Variants in PIK3C2G observed in about 807,000 individuals in gnomAD.
PIK3C2G encodes the protein phosphatidylinositol-4-phosphate 3-kinase catalytic subunit type 2 gamma, also known as phosphatidylinositol 3-kinase C2 domain-containing subunit gamma.
Under a neutral mutation model 181.1 loss-of-function variants are expected in PIK3C2G, and 168 were observed. The ratio of observed to expected loss-of-function variants is 0.93; its 90% confidence interval spans 0.82 to 1.05. The LOEUF (loss-of-function observed/expected upper bound fraction) is 1.05. Ranked by LOEUF, PIK3C2G falls within the 50% of genes least tolerant of loss-of-function variation. The pLI, the probability that PIK3C2G is intolerant of heterozygous loss-of-function variation, is 0.00. For missense variants in PIK3C2G, 1,869 were observed against 1,732.8 expected, an observed-to-expected ratio of 1.08 and a Z score of -1.40; for synonymous variants, 573 against 592.2, an observed-to-expected ratio of 0.97 and a Z score of 0.47.
intron 18 of PIK3C2G, among the ~76,000 whole-genome samples, chr12:18,484,913 C>T (rs970035401): frequency 2.6e-5 from 4 of 152,256 alleles, no homozygotes; most frequent in Admixed American, 6.5e-5. Context: ...CCTGTGCTCA[C>T]TAAAAATTGG....
intron 31 of PIK3C2G, 95 bp from the exon 32 acceptor site, chr12:18,640,334 C>A (rs1591743318): frequency 3.9e-6 from 4 of 1,013,980 alleles, no homozygotes; most frequent in East Asian, 5.5e-5. Context: ...TGTAATAAAT[C>A]CTGATCCTGC....
At chr12:18,432,541 C>T (rs1008673572) in intron 18 of PIK3C2G, among the ~76,000 whole-genome samples, 1 of 152,104 alleles carries the variant, frequency 6.6e-6, no homozygotes, top group African/African-American at 2.4e-5. Context: ...TGGGTTAAGT[C>T]CCTGAAAAGC....
At chr12:18,499,336 T>A (rs922217399) in intron 22 of PIK3C2G, among the ~76,000 whole-genome samples, 2 of 152,216 alleles carry the variant, frequency 1.3e-5, no homozygotes, top group Non-Finnish European at 2.9e-5. Context: ...TTAATCAGGT[T>A]CCAAGGCTTA....
the PIK3C2G span, chr12:18,719,326 A>T: frequency 1.7e-6 from 1 of 585,942 alleles, no homozygotes; most frequent in South Asian, 4.9e-5. Context: ...TTTGGATAAC[A>T]TGGAGAGTCT....
chr12:18,681,149 G>C, the PIK3C2G span, among the ~76,000 whole-genome samples: 1 of 152,042 alleles, frequency 6.6e-6, no homozygotes, highest in Admixed American at 6.6e-5. Context: ...AAACACGACA[G>C]TTTAGCTGTG....
intron 11 of PIK3C2G, among the ~76,000 whole-genome samples, chr12:18,347,837 AT>A (rs933911540): frequency 3.3e-5 from 5 of 152,030 alleles, no homozygotes; most frequent in South Asian, 2.1e-4. Flanking sequence ...GAAAAAAAAA[AT>A]CAATCTTTAT....
chr12:18,628,063 C>G (rs1047674486), intron 31 of PIK3C2G, among the ~76,000 whole-genome samples: 2 of 152,098 alleles, frequency 1.3e-5, no homozygotes, highest in African/African-American at 4.8e-5. Context: ...TAGAAGTGCT[C>G]TTTCTTTCTT....
intron 23 of PIK3C2G, 21 bp from the exon 24 acceptor site, chr12:18,505,271 G>T: frequency 1.3e-6 from 2 of 1,555,580 alleles, no homozygotes; most frequent in Non-Finnish European, 1.7e-6. Flanking sequence ...ATTTTTGCAT[G>T]ATTGTTTTTC....
intron 8 of PIK3C2G, among the ~76,000 whole-genome samples, chr12:18,327,161 T>A (rs1246720355): frequency 6.6e-6 from 1 of 152,016 alleles, no homozygotes; most frequent in African/African-American, 2.4e-5. Flanking sequence ...TAGGTCACAG[T>A]GTATGTGATT....
At chr12:18,513,557 T>G (rs1942345788) in intron 24 of PIK3C2G, among the ~76,000 whole-genome samples, 1 of 151,862 alleles carries the variant, frequency 6.6e-6, no homozygotes, top group African/African-American at 2.4e-5. Context: ...ATCCAATTCT[T>G]CAAGGTTATC....
chr12:18,541,409 C>G (rs2136250671), intron 25 of PIK3C2G, among the ~76,000 whole-genome samples: 1 of 151,886 alleles, frequency 6.6e-6, no homozygotes, highest in Non-Finnish European at 1.5e-5. Context: ...AAAATAAAAG[C>G]CTGTGTTTCA....
chr12:18,584,230 T>G (rs1299453232), intron 29 of PIK3C2G, among the ~76,000 whole-genome samples: 1 of 151,862 alleles, frequency 6.6e-6, no homozygotes, highest in Non-Finnish European at 1.5e-5. Flanking sequence ...AGACAGGGTT[T>G]CACTGTGGTC....
chr12:18,487,806 T>C (rs1430612203), intron 18 of PIK3C2G, among the ~76,000 whole-genome samples: 1 of 152,144 alleles, frequency 6.6e-6, no homozygotes, highest in Non-Finnish European at 1.5e-5. Context: ...CATTCTGTGT[T>C]CTATACAGCT....
At chr12:18,327,052 T>C (rs1449071127) in intron 8 of PIK3C2G, among the ~76,000 whole-genome samples, 1 of 152,154 alleles carries the variant, frequency 6.6e-6, no homozygotes, top group Non-Finnish European at 1.5e-5. Context: ...TAAATTTTTC[T>C]AATATGACTT....
At chr12:18,250,357 CT>C (rs1565522020) in intron 1 of PIK3C2G, among the ~76,000 whole-genome samples, 1 of 151,942 alleles carries the variant, frequency 6.6e-6, no homozygotes, top group Admixed American at 6.6e-5. Context: ...CATTATTGTC[CT>C]TTTTCATACT....
At chr12:18,320,685 G>C (rs1004454735) in intron 6 of PIK3C2G, among the ~76,000 whole-genome samples, 21 of 152,212 alleles carry the variant, frequency 1.4e-4, no homozygotes, top group Admixed American at 1.3e-3. Flanking sequence ...TTCATACTTA[G>C]TAGAAGAATT....
At chr12:18,457,456 C>G (rs1160270068) in intron 18 of PIK3C2G, among the ~76,000 whole-genome samples, 2 of 152,074 alleles carry the variant, frequency 1.3e-5, no homozygotes, top group Non-Finnish European at 2.9e-5. Flanking sequence ...TTCTTAGTGC[C>G]ACCTGCACTG....
At chr12:18,576,133 G>T (rs140658029) in intron 29 of PIK3C2G, among the ~76,000 whole-genome samples, 2 of 152,194 alleles carry the variant, frequency 1.3e-5, no homozygotes, top group African/African-American at 4.8e-5. Context: ...TGCAGAAAAT[G>T]AAAAATTTAG....
chr12:18,421,032 C>A lies in PIK3C2G; in HGVS notation c.2407C>A (p.Gln803Lys). 1 of 1,549,174 alleles carries A rather than the reference C, an allele frequency of 6.5e-7. No homozygotes were observed. The highest frequency in any genetic ancestry group is 1.1e-5 in the South Asian group (1 of 89,734). ...ACTGGAATATCTCCCACAGCTAGTT[C>A]AGGTAAGAATAGAAGAGTTGCTAAG... is the stretch of plus-strand genomic sequence containing the variant. ...ELLEYLPQLVQAVKFEWNLES... is the reference protein window; with the variant it reads ...ELLEYLPQLVKAVKFEWNLES... The change falls in exon 17 of 33, where the codon CAG (glutamine) becomes AAG (lysine). Residue 803 changes from glutamine (Q) to lysine (K), a missense_variant and splice_region_variant. Coordinates refer to ENST00000538779, the MANE Select transcript of PIK3C2G (RefSeq NM_001288772.2).
Sources: gnomAD v4.1 joint callset for allele counts (sites outside exome capture counted in the v4.1 genomes callset) on GRCh38, gnomAD v4.1.1 for gene constraint, MANE v1.5 for transcripts, NCBI Gene and HGNC (gene_info 2026-07-23, HGNC 2026-07-21) for gene names.